The following TMEM117 variants were observed in gnomAD, a reference collection of about 807,000 sequenced individuals.
TMEM117 encodes the protein transmembrane protein 117.
A neutral mutation model predicts 52.4 loss-of-function variants in TMEM117; 27 were observed. The observed-to-expected ratio is 0.51, with a 90% confidence interval of 0.38 to 0.71. The LOEUF (loss-of-function observed/expected upper bound fraction) is 0.71. Among genes scored for constraint, TMEM117 ranks in the 30% least tolerant of loss-of-function variants. The probability of loss-of-function intolerance (pLI) is 0.00; values close to 1 mark genes in which losing one functional copy is unlikely to be tolerated. For synonymous variants in TMEM117, 215 were observed against 206.3 expected (o/e 1.04, Z -0.36); for missense variants, 556 against 630.5 (o/e 0.88, Z 1.26).
chr12:43,812,923 T>C, the TMEM117 span, among the ~76,000 whole-genome samples: 2 of 151,652 alleles, frequency 1.3e-5, no homozygotes, highest in Admixed American at 6.6e-5. Context: ...GGAGGATTGC[T>C]TGAGCCCAGG....
At chr12:43,937,720 A>G (rs1480808482) in intron 2 of TMEM117, among the ~76,000 whole-genome samples, 1 of 152,154 alleles carries the variant, frequency 6.6e-6, no homozygotes, top group Non-Finnish European at 1.5e-5. Context: ...TTATTTGTTC[A>G]TTTATTTGTA....
intron 2 of TMEM117, among the ~76,000 whole-genome samples, chr12:43,879,334 G>A (rs1202724768): frequency 6.6e-6 from 1 of 152,134 alleles, no homozygotes; most frequent in African/African-American, 2.4e-5. Context: ...AGAAACAAAA[G>A]TTTCCATGGG....
intron 3 of TMEM117, among the ~76,000 whole-genome samples, chr12:43,956,974 T>A (rs916860990): frequency 8.6e-5 from 13 of 151,932 alleles, no homozygotes. Flanking sequence ...TATGCAGACA[T>A]AAAAAAGAAC....
At chr12:44,358,801 G>A (rs1044170460) in intron 6 of TMEM117, among the ~76,000 whole-genome samples, 2 of 152,136 alleles carry the variant, frequency 1.3e-5, no homozygotes, top group African/African-American at 2.4e-5. Flanking sequence ...GGGAGAAGCA[G>A]CAACCTCCTC....
At chr12:43,876,449 T>C (rs1396797932) in intron 2 of TMEM117, among the ~76,000 whole-genome samples, 2 of 152,210 alleles carry the variant, frequency 1.3e-5, no homozygotes, top group Admixed American at 6.5e-5. Flanking sequence ...TCAGCTCATA[T>C]CTAGCTGCCA....
intron 3 of TMEM117, among the ~76,000 whole-genome samples, chr12:44,096,908 A>G (rs1415106592): frequency 1.3e-5 from 2 of 151,612 alleles, no homozygotes; most frequent in Non-Finnish European, 2.9e-5. Context: ...AAAAGAAACT[A>G]CCATCAGAGT....
intron 5 of TMEM117, among the ~76,000 whole-genome samples, chr12:44,293,150 T>G (rs1950725508): frequency 6.6e-6 from 1 of 152,056 alleles, no homozygotes; most frequent in African/African-American, 2.4e-5. Flanking sequence ...TCTTTATATA[T>G]TGACACTTGT....
the TMEM117 span, among the ~76,000 whole-genome samples, chr12:43,819,834 A>G: frequency 6.6e-6 from 1 of 151,910 alleles, no homozygotes; most frequent in South Asian, 2.1e-4. Flanking sequence ...GGAAGGAAGG[A>G]GGGAAGGAAG....
At chr12:43,806,526 G>A in the TMEM117 span, among the ~76,000 whole-genome samples, 1 of 152,084 alleles carries the variant, frequency 6.6e-6, no homozygotes, top group Non-Finnish European at 1.5e-5. Flanking sequence ...TTCTTCCGGG[G>A]GGGACATGCC....
chr12:44,226,676 C>A (rs1300104552), intron 5 of TMEM117, among the ~76,000 whole-genome samples: 1 of 152,012 alleles, frequency 6.6e-6, no homozygotes, highest in Non-Finnish European at 1.5e-5. Flanking sequence ...GGGCCCTAGT[C>A]TGATATGACT....
At chr12:44,157,068 C>A (rs1948834937) in intron 4 of TMEM117, among the ~76,000 whole-genome samples, 1 of 152,138 alleles carries the variant, frequency 6.6e-6, no homozygotes, top group African/African-American at 2.4e-5. Flanking sequence ...GTTATCAGGA[C>A]AAGCACTGCC....
intron 3 of TMEM117, among the ~76,000 whole-genome samples, chr12:43,967,639 G>C (rs1945507649): frequency 6.6e-6 from 1 of 152,156 alleles, no homozygotes; most frequent in African/African-American, 2.4e-5. Context: ...TTCCTTCCCA[G>C]ATCAAGCCAT....
intron 7 of TMEM117, among the ~76,000 whole-genome samples, chr12:44,387,446 T>G (rs941582191): frequency 1.3e-5 from 2 of 152,104 alleles, no homozygotes; most frequent in Non-Finnish European, 2.9e-5. Context: ...TTTTGTTCAA[T>G]GAGAATTTGA....
intron 6 of TMEM117, among the ~76,000 whole-genome samples, chr12:44,353,871 T>G (rs1951603956): frequency 6.6e-6 from 1 of 152,230 alleles, no homozygotes. Context: ...GCATTGAATC[T>G]ATAAATTACC....
Position 44,137,583 on chromosome 12 carries a change from A to G in TMEM117, c.411-5942A>G, listed in dbSNP as rs547704521. On this transcript the variant is annotated intron_variant, in intron 3 of 7. Coordinates refer to ENST00000266534, the MANE Select transcript of TMEM117 (RefSeq NM_032256.3). The stretch of plus-strand genomic sequence containing the variant: ...AGAAACAGAGGTTTAATGGACTTAC[A>G]GTTCCACATGGCTGGGAGGCATCAC... 1.6e-4 allele frequency among the ~76,000 whole-genome samples: 25 copies of G among 152,274 alleles called. No homozygotes were observed. In the East Asian group the frequency reaches 4.3e-3, roughly 26 times the overall value.
intron 2 of TMEM117, among the ~76,000 whole-genome samples, chr12:43,847,689 G>T (rs536510771): frequency 6.6e-6 from 1 of 152,308 alleles, no homozygotes; most frequent in Admixed American, 6.5e-5. Flanking sequence ...GGTGGGGACT[G>T]CTCAGGCTTG....
intron 4 of TMEM117, among the ~76,000 whole-genome samples, chr12:44,157,545 T>C (rs1948843166): frequency 6.6e-6 from 1 of 152,128 alleles, no homozygotes; most frequent in Non-Finnish European, 1.5e-5. Context: ...ATACCAAGAC[T>C]GTATAATCAC....
chr12:43,918,195 G>A (rs10785471), intron 2 of TMEM117, among the ~76,000 whole-genome samples: 26,246 of 152,090 alleles, frequency 0.17, 3,470 homozygotes, highest in African/African-American at 0.36. Context: ...ACGTCATTCT[G>A]TCATTGCCTG....
At chr12:43,856,211 A>T (rs535894396) in intron 2 of TMEM117, among the ~76,000 whole-genome samples, 2 of 152,328 alleles carry the variant, frequency 1.3e-5, no homozygotes, top group South Asian at 4.1e-4. Context: ...GCCATGTAGA[A>T]TATCTATAGT....
Sources: gnomAD v4.1 joint callset for allele counts (sites outside exome capture counted in the v4.1 genomes callset) on GRCh38, gnomAD v4.1.1 for gene constraint, MANE v1.5 for transcripts, NCBI Gene and HGNC (gene_info 2026-07-23, HGNC 2026-07-21) for gene names.